The following RHOT2 variants were observed in gnomAD, a reference collection of about 807,000 sequenced individuals.
The protein encoded by RHOT2 is ras homolog family member T2.
RHOT2 carries 90 observed loss-of-function variants against 81.6 expected under a neutral mutation model. The ratio of observed to expected loss-of-function variants is 1.10; its 90% confidence interval spans 0.93 to 1.31. RHOT2 has a LOEUF of 1.31. Ranked by LOEUF, RHOT2 falls within the 40% of genes most tolerant of loss-of-function variation. The probability of loss-of-function intolerance (pLI) is 0.00; values close to 1 mark genes in which losing one functional copy is unlikely to be tolerated. For synonymous variants in RHOT2, 512 were observed against 370.9 expected (o/e 1.38, Z -4.37); for missense variants, 1,014 against 841.9 (o/e 1.20, Z -2.53).
chr16:669,582 C>G lies in RHOT2; in HGVS notation c.252C>G (p.Val84=). The stretch of plus-strand genomic sequence containing the variant: ...ACGTGGTGTGTGTGGTGTATGACGT[C>G]TCTGAGGAGGCCACCATTGAGAAGG... ...KANVVCVVYD[V]SEEATIEKIR... The change falls in exon 5 of 19, where the codon GTC becomes GTG. Residue 84 remains valine, a synonymous_variant. Transcript: ENST00000315082. 3.7e-6 allele frequency: 6 copies of G among 1,612,158 alleles called. No homozygotes were observed. Among genetic ancestry groups the G allele is most frequent in the Non-Finnish European group, 5.1e-6 (6 of 1,179,918 alleles).
At chr16:668,800 G>A (rs968052303) in intron 4 of RHOT2, 101 bp downstream of exon 4, 23 of 1,307,420 alleles carry the variant, frequency 1.8e-5, no homozygotes, top group Middle Eastern at 1.9e-4. Flanking sequence ...GGTGTCCTTG[G>A]CCCTGATAAT....
intron 18 of RHOT2, 23 bp from the exon 19 acceptor site, chr16:673,457 C>T: frequency 2.5e-6 from 4 of 1,612,548 alleles, no homozygotes; most frequent in Non-Finnish European, 3.4e-6. Context: ...GAGGTATCTG[C>T]AGATGATTCT....
chr16:668,986 C>A, intron 4 of RHOT2: 1 of 506,580 alleles, frequency 2.0e-6, no homozygotes, highest in South Asian at 2.8e-5. Context: ...GTGTGCGCCA[C>A]GTCCCCGTGC....
intron 5 of RHOT2, 80 bp downstream of exon 5, chr16:669,686 C>A: frequency 7.1e-7 from 1 of 1,412,910 alleles, no homozygotes; most frequent in Non-Finnish European, 9.9e-7. Flanking sequence ...CAACCCGTGG[C>A]CAGTGCCATC....
In RHOT2 at chr16:672,958, C is replaced by G. The variant is rs55977091; in HGVS notation, c.1558C>G (p.Leu520Val). The stretch of plus-strand genomic sequence containing the variant: ...TTACATGGACGGGCAGACCCCCTGC[C>G]TCTTTGTCTCCTCCAAGGCCGACCT... ...HHYMDGQTPC[L>V]FVSSKADLPE... is the part of the protein sequence containing the mutation. The change falls in exon 18 of 19, where the codon CTC becomes GTC. Residue 520 changes from leucine (L) to valine (V), a missense_variant. Transcript: ENST00000315082. 6.2e-7 allele frequency: 1 copy of G among 1,612,850 alleles called. No homozygotes were observed. Among genetic ancestry groups the G allele is most frequent in the South Asian group, 1.1e-5 (1 of 91,092 alleles).
intron 18 of RHOT2, 70 bp downstream of exon 18, chr16:673,200 T>G: frequency 1.3e-6 from 2 of 1,513,716 alleles, no homozygotes; most frequent in East Asian, 4.7e-5. Context: ...AGCGGTGGTG[T>G]CAGGCCTGGA....
chr16:673,656 T>C lies in RHOT2; in HGVS notation c.*50T>C, dbSNP rs780339431. 1.9e-6 allele frequency: 3 copies of C among 1,574,234 alleles called. No homozygotes were observed. The highest frequency in any genetic ancestry group is 2.7e-5 in the African/African-American group (2 of 72,964). On this transcript the variant is annotated 3_prime_UTR_variant, in exon 19 of 19. Coordinates refer to ENST00000315082, the MANE Select transcript of RHOT2 (RefSeq NM_138769.3). The stretch of plus-strand genomic sequence containing the variant: ...CCCTGACCTGGGTGTGCCTCGCTGC[T>C]GGGGCTCTGCAGGGGCAGCACAGCT...
At chr16:669,413 C>A in intron 4 of RHOT2, 140 bp from the exon 5 acceptor site, 2 of 783,114 alleles carry the variant, frequency 2.6e-6, no homozygotes, top group Non-Finnish European at 4.2e-6. Flanking sequence ...GAAGGCTGGG[C>A]TTTCCCGGCC....
At chr16:671,581 T>C in intron 11 of RHOT2, 116 bp from the exon 12 acceptor site, 2 of 1,160,518 alleles carry the variant, frequency 1.7e-6, no homozygotes, top group Non-Finnish European at 2.5e-6. Flanking sequence ...TACAGGAGCC[T>C]CTGGGTCCTG....
chr16:672,222 G>T, intron 14 of RHOT2, 32 bp from the exon 15 acceptor site: 1 of 1,612,016 alleles, frequency 6.2e-7, no homozygotes. Flanking sequence ...CAGTATCCTG[G>T]CAGCTGCCCT....
At chr16:671,811 C>CCCCTGT (rs1567251060) in intron 12 of RHOT2, 30 bp downstream of exon 12, 1 of 1,123,736 alleles carries the variant, frequency 8.9e-7, no homozygotes, top group Admixed American at 1.8e-5. Context: ...CCTGCCCCTG[C>CCCCTGT]CCCCGCCCCC....
rs1364487050 is a variant in RHOT2, at chr16:671,907, T to G, written c.1002T>G (p.Ser334Arg). The G allele has an allele frequency of 2.5e-6, 4 of 1,610,864 alleles. No individual in the cohort carries two copies. The highest frequency in any genetic ancestry group is 3.4e-6 in the Non-Finnish European group (4 of 1,179,622). ...CCGTGGAGCTGCAAAGCCTTTTCAGTGTGTTCCCAGCAGCGCCCTGGGGCC... is the reference window on the plus strand; with the variant it reads ...CCGTGGAGCTGCAAAGCCTTTTCAGGGTGTTCCCAGCAGCGCCCTGGGGCC... ...LSPVELQSLF[S>R]VFPAAPWGPE... Residue 334 changes from serine (S) to arginine (R), a missense_variant, in exon 13 of 19, where the codon AGT (serine) becomes AGG (arginine). Transcript: ENST00000315082.
In RHOT2 at chr16:670,747, A is replaced by G. The variant is rs2038784796; in HGVS notation, c.613A>G (p.Ser205Gly). The change falls in exon 9 of 19, where the codon AGT (serine) becomes GGT (glycine). Residue 205 changes from serine (S) to glycine (G), a missense_variant. Transcript: ENST00000315082. The stretch of plus-strand genomic sequence containing the variant: ...AGATCAGGACCTGGACCAGGCGCTC[A>G]GTGACGAAGAGCTCAACGCTTTCCA... Reference protein sequence around the residue: ...LSDQDLDQALSDEELNAFQKS... With the variant: ...LSDQDLDQALGDEELNAFQKS... 6.2e-7 allele frequency: 1 copy of G among 1,612,358 alleles called. No individual in the cohort carries two copies. The highest frequency in any genetic ancestry group is 1.1e-5 in the South Asian group (1 of 91,086).
At position 673,505 on chromosome 16, in the gene RHOT2, C is replaced by T. The variant is rs771299245; in HGVS notation, c.1756C>T (p.Pro586Ser). The change falls in exon 19 of 19, where the codon CCC becomes TCC. Residue 586 changes from proline to serine, a missense_variant. By Grantham distance (74) the Pro-to-Ser change is moderately conservative. Transcript: ENST00000315082. ...ACATTTGGTCCACGCAGAGCTGCATCCCTCTTCCTTCTGGCTCCGGGGGCT... is the reference window on the plus strand; with the variant it reads ...ACATTTGGTCCACGCAGAGCTGCATTCCTCTTCCTTCTGGCTCCGGGGGCT... The part of the protein sequence containing the change: ...FPHLVHAELH[P>S]SSFWLRGLLG... 6 of 1,612,590 alleles carry T rather than the reference C, an allele frequency of 3.7e-6. No individual in the cohort carries two copies. In the African/African-American group the frequency reaches 4.0e-5, roughly 11 times the overall value.
Position 670,270 on chromosome 16 carries a change from C to A in RHOT2, c.351C>A (p.Gly117=). The A allele has an allele frequency of 6.2e-7, 1 of 1,612,754 alleles. No homozygotes were observed. The highest frequency in any genetic ancestry group is 1.3e-5 in the African/African-American group (1 of 75,050). The change falls in exon 7 of 19, where the codon GGC becomes GGA. Residue 117 remains glycine, a synonymous_variant. Coordinates refer to ENST00000315082, the MANE Select transcript of RHOT2 (RefSeq NM_138769.3). ...QGPRVPIILV[G]NKSDLRSGSS... is the part of the protein sequence containing the mutation. ...CCAGGGTGCCCATCATCCTAGTGGG[C>A]AACAAGTCAGACCTGCGGTCGGGGA...
rs3752486 is a variant in RHOT2 at position 673,157 on chromosome 16, G to A, written c.1730+27G>A. The A allele has an allele frequency of 6.0e-4, 959 of 1,602,700 alleles. 17 individuals carry two copies. In the South Asian group the frequency reaches 8.5e-3, roughly 14 times the overall value. ...TGGGTACCCAGTAGCGCAGCCCTGG[G>A]GACTAGCAGTGTCTGTCATCCGAGC... On this transcript the variant is annotated intron_variant, in intron 18 of 18. Transcript: ENST00000315082.
chr16:669,370 T>A lies in RHOT2; in HGVS notation c.223-183T>A, dbSNP rs189948215. On this transcript the variant is annotated intron_variant, in intron 4 of 18. Coordinates refer to ENST00000315082, the MANE Select transcript of RHOT2 (RefSeq NM_138769.3). ...CAGTGTGACACTGGGGAGTGCCTGC[T>A]CTGCCAACACCAGGCTGGAGGCAGG... is the stretch of plus-strand genomic sequence containing the variant. 748 of 629,426 alleles carry A rather than the reference T, an allele frequency of 1.2e-3. 1 individual carries two copies. Among genetic ancestry groups the A allele is most frequent in the African/African-American group, 0.012 (633 of 54,956 alleles). 39.0% of individuals were successfully genotyped at this position (629,426 alleles called of 1,614,324 possible). A position where few individuals can be genotyped will look rare whatever the true frequency, so the allele number is the denominator to read the frequency against.
chr16:673,379 C>T, intron 18 of RHOT2, 101 bp from the exon 19 acceptor site: 1 of 1,561,720 alleles, frequency 6.4e-7, no homozygotes, highest in Non-Finnish European at 8.7e-7. Context: ...TCTGGGATCC[C>T]CGCCTGTGGG....
intron 13 of RHOT2, 40 bp downstream of exon 13, chr16:672,042 C>T (rs1467841857): frequency 1.2e-6 from 2 of 1,612,102 alleles, no homozygotes; most frequent in Non-Finnish European, 8.5e-7. Flanking sequence ...CCGCACCACC[C>T]TCCCCACCAT....
Sources: gnomAD v4.1 joint callset for allele counts on GRCh38, gnomAD v4.1.1 for gene constraint, MANE v1.5 for transcripts, NCBI Gene and HGNC (gene_info 2026-07-23, HGNC 2026-07-21) for gene names.